Variants in ZIM2 observed in about 807,000 individuals in gnomAD.
ZIM2 encodes zinc finger protein 656.
Under a neutral mutation model 38.6 loss-of-function variants are expected in ZIM2, and 14 were observed. The observed-to-expected ratio is 0.36, with a 90% confidence interval of 0.24 to 0.57. The LOEUF (loss-of-function observed/expected upper bound fraction) is 0.57, where lower values mean the gene tolerates loss of function less well. ZIM2 is among the 20% of genes least tolerant of loss of function. ZIM2 has a pLI of 0.81. For missense variants in ZIM2, 680 were observed against 695.1 expected (o/e 0.98, Z 0.24); for synonymous variants, 247 against 245.8 (o/e 1.00, Z -0.04).
chr19:56,826,717 C>T (rs1208334986), intron 2 of ZIM2, among the ~76,000 whole-genome samples: 2 of 152,138 alleles, frequency 1.3e-5, no homozygotes, highest in Admixed American at 1.3e-4. Context: ...TAAGAAACCA[C>T]GAACCAAAAC....
intron 9 of ZIM2, chr19:56,812,715 A>G (rs1177055046): frequency 1.0e-6 from 1 of 984,780 alleles, no homozygotes; most frequent in Non-Finnish European, 1.2e-6. Context: ...ACTGTGATCT[A>G]GTGATGGTTG....
At chr19:56,821,865 G>C in intron 6 of ZIM2, 111 bp from the exon 7 acceptor site, 1 of 1,169,068 alleles carries the variant, frequency 8.6e-7, no homozygotes. Context: ...ATGAGAGCAA[G>C]TGCCTTTCTC....
At chr19:56,778,027 C>T (rs2046112213) in intron 12 of ZIM2, among the ~76,000 whole-genome samples, 1 of 152,052 alleles carries the variant, frequency 6.6e-6, no homozygotes, top group African/African-American at 2.4e-5. Context: ...CATTGGTCAG[C>T]CCCCCATCTC....
At chr19:56,817,136 A>C (rs1218542154) in intron 9 of ZIM2, 2 of 1,613,990 alleles carry the variant, frequency 1.2e-6, no homozygotes, top group Non-Finnish European at 8.5e-7. Context: ...AAGGAGGGGG[A>C]GCTGAGGCTG....
intron 9 of ZIM2, among the ~76,000 whole-genome samples, chr19:56,795,416 G>T (rs987469856): frequency 3.9e-5 from 6 of 152,208 alleles, no homozygotes; most frequent in Admixed American, 1.3e-4. Context: ...GCCCCTGGCT[G>T]GGCTACCCGC....
Position 56,814,855 on chromosome 19 carries a change from C to A in ZIM2, c.490+2891G>T. The A allele has an allele frequency of 6.2e-7, 1 of 1,614,180 alleles. No homozygotes were observed. Among genetic ancestry groups the A allele is most frequent in the Non-Finnish European group, 8.5e-7 (1 of 1,180,020 alleles). ...CAAGAGGGCAATAAAACCATCATCA[C>A]ACCCCTTCATGGAATACAACTGGTC... On this transcript the variant is annotated intron_variant, in intron 9 of 12. Coordinates refer to ENST00000629319, the MANE Select transcript of ZIM2 (RefSeq NM_001387356.1). The surrounding 1 kb of genome is among the most constrained non-coding windows in gnomAD (Gnocchi z 5.8).
Position 56,779,360 on chromosome 19 carries a change from T to A in ZIM2, c.835+17A>T, listed in dbSNP as rs937180384. On this transcript the variant is annotated intron_variant, in intron 12 of 12. Transcript: ENST00000629319. ...GGTTCCCCCTCCTACACCCCGGGCT[T>A]CCCCCTCACTACTCACCTTGACAAA... The A allele has an allele frequency of 1.2e-6, 2 of 1,612,482 alleles. No individual in the cohort carries two copies. The highest frequency in any genetic ancestry group is 8.5e-7 in the Non-Finnish European group (1 of 1,178,976).
chr19:56,774,649 A>G lies in ZIM2; in HGVS notation c.*39T>C, dbSNP rs753784510. On this transcript the variant is annotated 3_prime_UTR_variant, in exon 13 of 13. Transcript: ENST00000629319. ...CTCACAACACTCTAGGAGGAAGCCA[A>G]TAATGTTGAGAAAAGTGTGTGCTGT... The G allele has an allele frequency of 3.7e-5, 59 of 1,591,848 alleles. 1 individual carries two copies. Among genetic ancestry groups the G allele is most frequent in the Admixed American group, 1.7e-4 (10 of 58,894 alleles).
intron 8 of ZIM2, among the ~76,000 whole-genome samples, chr19:56,818,180 C>T (rs1003077513): frequency 4.6e-5 from 7 of 152,180 alleles, no homozygotes; most frequent in Non-Finnish European, 7.3e-5. Flanking sequence ...GCTCTTCCTC[C>T]ACCCACTCCC....
At chr19:56,829,234 C>G (rs183194993) in intron 2 of ZIM2, among the ~76,000 whole-genome samples, 20 of 151,828 alleles carry the variant, frequency 1.3e-4, no homozygotes, top group Admixed American at 1.3e-4. Flanking sequence ...ATCCCAGCTA[C>G]TCAGGAGGCT....
intron 1 of ZIM2, among the ~76,000 whole-genome samples, chr19:56,837,359 G>C (rs1472623534): frequency 6.6e-6 from 1 of 152,082 alleles, no homozygotes; most frequent in Non-Finnish European, 1.5e-5. Context: ...GTACGATTTT[G>C]AGTGAAAATC....
rs147001258 is a variant in ZIM2, at chr19:56,828,000, T to C, written c.-226-1537A>G. Reference sequence around the variant, plus strand: ...TTGTATATTCTCCTTTTGTTTTTTGTTTTTATTTTTATTTTACCATGAGCA... The same window carrying C: ...TTGTATATTCTCCTTTTGTTTTTTGCTTTTATTTTTATTTTACCATGAGCA... On this transcript the variant is annotated intron_variant, in intron 2 of 12. Transcript: ENST00000629319. Among the ~76,000 whole-genome samples, 1,070 of 152,308 alleles carry C rather than the reference T, an allele frequency of 7.0e-3. 10 individuals are homozygous for C. Among genetic ancestry groups the C allele is most frequent in the African/African-American group, 0.025 (1,024 of 41,560 alleles).
intron 9 of ZIM2, among the ~76,000 whole-genome samples, chr19:56,795,483 C>A (rs1201476504): frequency 6.6e-6 from 1 of 152,380 alleles, no homozygotes; most frequent in East Asian, 1.9e-4. Flanking sequence ...GCCTCACGCC[C>A]TGGCCTGGCT....
At chr19:56,780,245 C>CT (rs66492427) in intron 11 of ZIM2, among the ~76,000 whole-genome samples, 6,638 of 129,276 alleles carry the variant, frequency 0.051, 512 homozygotes, top group East Asian at 0.34. Context: ...TTTCTTTTTT[C>CT]TTTTTTTTTT....
intron 2 of ZIM2, among the ~76,000 whole-genome samples, chr19:56,832,920 T>A (rs1196629108): frequency 6.6e-6 from 1 of 152,236 alleles, no homozygotes; most frequent in East Asian, 1.9e-4. Flanking sequence ...ACACTTTACT[T>A]CTATTCCATT....
intron 1 of ZIM2, 141 bp from the exon 2 acceptor site, chr19:56,836,245 C>A: frequency 5.6e-6 from 2 of 360,224 alleles, no homozygotes; most frequent in Middle Eastern, 8.9e-4. Context: ...GCATCCCATC[C>A]AGGATGAATG....
At chr19:56,796,475 C>T (rs2047235410) in intron 9 of ZIM2, among the ~76,000 whole-genome samples, 1 of 152,122 alleles carries the variant, frequency 6.6e-6, no homozygotes, top group Non-Finnish European at 1.5e-5. Context: ...CAGTGGCATC[C>T]CCGAAGCTGG....
chr19:56,810,563 AGTAT>A (rs1438377288), intron 9 of ZIM2: 2 of 937,408 alleles, frequency 2.1e-6, no homozygotes, highest in Non-Finnish European at 2.5e-6. Flanking sequence ...GTTTTGTATG[AGTAT>A]GTATTATATT....
chr19:56,828,528 C>G (rs577483764), intron 2 of ZIM2, among the ~76,000 whole-genome samples: 3 of 152,218 alleles, frequency 2.0e-5, no homozygotes, highest in African/African-American at 7.2e-5. Context: ...AATGCTCAAG[C>G]GTAATTCCAA....
Sources: gnomAD v4.1 joint callset for allele counts (sites outside exome capture counted in the v4.1 genomes callset) on GRCh38, gnomAD v4.1.1 for gene constraint, Gnocchi (gnomAD v3.1) non-coding constraint, MANE v1.5 for transcripts, NCBI Gene and HGNC (gene_info 2026-07-23, HGNC 2026-07-21) for gene names.